The following ADCY5 variants were observed in gnomAD, a reference collection of about 807,000 sequenced individuals.
ADCY5 encodes adenylate cyclase type 5.
In ADCY5, 30 loss-of-function variants were observed where a neutral mutation model predicts 119.7. That is an observed-to-expected ratio of 0.25 (90% confidence interval 0.19 to 0.34). ADCY5 has a LOEUF of 0.34. Among genes scored for constraint, ADCY5 ranks in the 10% least tolerant of loss-of-function variants. The pLI, the probability that ADCY5 is intolerant of heterozygous loss-of-function variation, is 1.00. For missense variants in ADCY5, 1,324 were observed against 1,775.2 expected, an observed-to-expected ratio of 0.75 and a Z score of 4.57; for synonymous variants, 753 against 762.2, an observed-to-expected ratio of 0.99 and a Z score of 0.20.
intron 1 of ADCY5, among the ~76,000 whole-genome samples, chr3:123,441,665 C>T (rs776539909): frequency 2.6e-5 from 4 of 152,210 alleles, no homozygotes; most frequent in Non-Finnish European, 4.4e-5. Context: ...ATATGGTCTG[C>T]TTTTCTCCCA....
intron 1 of ADCY5, among the ~76,000 whole-genome samples, chr3:123,358,939 C>G (rs1482958670): frequency 6.6e-6 from 1 of 152,190 alleles, no homozygotes; most frequent in Non-Finnish European, 1.5e-5. Flanking sequence ...ATCGTTTCTG[C>G]CTCTCCTCTC....
chr3:123,307,676 C>T (rs1041846557), intron 12 of ADCY5, among the ~76,000 whole-genome samples: 1 of 152,128 alleles, frequency 6.6e-6, no homozygotes. Context: ...TCCTATTTGC[C>T]CTATGTTGTT....
At chr3:123,416,063 G>A (rs1473711169) in intron 1 of ADCY5, 14 of 1,107,472 alleles carry the variant, frequency 1.3e-5, no homozygotes, top group Middle Eastern at 2.2e-4. Flanking sequence ...CCCACCTAGG[G>A]TCAGGGGTTA....
At chr3:123,377,838 A>C (rs529934373) in intron 1 of ADCY5, among the ~76,000 whole-genome samples, 1 of 151,330 alleles carries the variant, frequency 6.6e-6, no homozygotes, top group African/African-American at 2.4e-5. Flanking sequence ...GCTGAGACAG[A>C]AGAATCACTT....
At position 123,303,162 on chromosome 3, in the gene ADCY5, C is replaced by T. The variant is rs139508244; in HGVS notation, c.2617G>A (p.Ala873Thr). The T allele has an allele frequency of 4.0e-5, 65 of 1,613,754 alleles. No individual in the cohort carries two copies. The highest frequency in any genetic ancestry group is 3.3e-4 in the Middle Eastern group (2 of 6,084). ...ACGTGACACGCGTTGACCTGGCTCGCGCTGATGTTGTGCTCCTGTGCCAAG... is the reference window on the plus strand; with the variant it reads ...ACGTGACACGCGTTGACCTGGCTCGTGCTGATGTTGTGCTCCTGTGCCAAG... ...GCLAQEHNIS[A>T]SQVNACHVAE... The change falls in exon 14 of 21, where the codon GCG (alanine) becomes ACG (threonine). Residue 873 changes from alanine (A) to threonine (T), a missense_variant. Physicochemically the swap from Ala to Thr is moderately conservative, Grantham distance 58. Coordinates refer to ENST00000462833, the MANE Select transcript of ADCY5 (RefSeq NM_183357.3).
chr3:123,303,949 G>A (rs1391214681), intron 13 of ADCY5, 118 bp downstream of exon 13: 14 of 724,976 alleles, frequency 1.9e-5, no homozygotes, highest in Non-Finnish European at 2.9e-5. Context: ...ACCCAGGTGC[G>A]AAACAAATAA....
In ADCY5 at chr3:123,284,427, G is replaced by T; in HGVS notation, c.*181C>A. ...GCTCGCAGGACGCTGGCACCCCGGG[G>T]CCTGGGACAGAGGCCGCTGCCCACC... On this transcript the variant is annotated 3_prime_UTR_variant, in exon 21 of 21. Transcript: ENST00000462833. 1 of 943,680 alleles carries T rather than the reference G, an allele frequency of 1.1e-6. No homozygotes were observed. The highest frequency in any genetic ancestry group is 1.5e-6 in the Non-Finnish European group (1 of 650,044). The allele number at this position is 943,680 out of a possible 1,614,324, so 58.5% of individuals were successfully genotyped here. A position where few individuals can be genotyped will look rare whatever the true frequency, so the allele number is the denominator to read the frequency against.
At chr3:123,393,640 A>G (rs1336221863) in intron 1 of ADCY5, among the ~76,000 whole-genome samples, 1 of 151,830 alleles carries the variant, frequency 6.6e-6, no homozygotes, top group Non-Finnish European at 1.5e-5. Flanking sequence ...TGCGAAAGAG[A>G]TAACATGTGC....
intron 1 of ADCY5, among the ~76,000 whole-genome samples, chr3:123,402,161 A>G (rs1944774706): frequency 6.6e-6 from 1 of 152,222 alleles, no homozygotes; most frequent in Non-Finnish European, 1.5e-5. Flanking sequence ...TAGGCTGAGA[A>G]CACAAGAGGC....
chr3:123,415,255 A>C (rs919203059), intron 1 of ADCY5, among the ~76,000 whole-genome samples: 1 of 152,226 alleles, frequency 6.6e-6, no homozygotes, highest in Non-Finnish European at 1.5e-5. Flanking sequence ...CCTTTGGCTC[A>C]GCTGGGGACC....
intron 1 of ADCY5, among the ~76,000 whole-genome samples, chr3:123,364,297 C>G (rs979607754): frequency 2.0e-5 from 3 of 151,762 alleles, no homozygotes; most frequent in Non-Finnish European, 4.4e-5. Flanking sequence ...TCTCTTCTGA[C>G]AGAAGAGATA....
chr3:123,336,515 G>A (rs964689631), intron 3 of ADCY5, among the ~76,000 whole-genome samples: 1 of 152,244 alleles, frequency 6.6e-6, no homozygotes. Context: ...GGCTTTGGGG[G>A]CTGGAGATGC....
At chr3:123,388,472 T>C (rs1032110123) in intron 1 of ADCY5, among the ~76,000 whole-genome samples, 1 of 151,952 alleles carries the variant, frequency 6.6e-6, no homozygotes, top group African/African-American at 2.4e-5. Flanking sequence ...GGGGTACACA[T>C]GATGGGTTTA....
chr3:123,445,513 A>T lies in ADCY5; in HGVS notation c.1134+1899T>A, dbSNP rs112382041. On this transcript the variant is annotated intron_variant, in intron 1 of 20. Coordinates refer to ENST00000462833, the MANE Select transcript of ADCY5 (RefSeq NM_183357.3). Reference sequence around the variant, plus strand: ...ATGCCCCTTCCTCTGCAGAAAAGCTACATCCACCCAAATCAGGAGCAGTCC... The same window carrying T: ...ATGCCCCTTCCTCTGCAGAAAAGCTTCATCCACCCAAATCAGGAGCAGTCC... Among the ~76,000 whole-genome samples, 638 of 152,284 alleles carry T rather than the reference A, an allele frequency of 4.2e-3. 4 individuals are homozygous for T. The highest frequency in any genetic ancestry group is 0.024 in the East Asian group (123 of 5,184).
chr3:123,355,407 C>T lies in ADCY5; in HGVS notation c.1135-2826G>A, dbSNP rs116434078. On this transcript the variant is annotated intron_variant, in intron 1 of 20. Coordinates refer to ENST00000462833, the MANE Select transcript of ADCY5 (RefSeq NM_183357.3). ...CAACCAACCTTGGATCAAAACCCTC[C>T]GATATGGCAACTGTACATATTTTCC... Among the ~76,000 whole-genome samples, 310 of 152,228 alleles carry T rather than the reference C, an allele frequency of 2.0e-3. 1 individual carries two copies. The highest frequency in any genetic ancestry group is 6.8e-3 in the Middle Eastern group (2 of 294).
intron 1 of ADCY5, among the ~76,000 whole-genome samples, chr3:123,438,782 TG>T (rs1359090278): frequency 5.9e-5 from 9 of 152,182 alleles, no homozygotes; most frequent in African/African-American, 2.2e-4. Context: ...TCTCTCACTT[TG>T]CTGCCCAGAC....
At chr3:123,339,226 C>T (rs55947827) in intron 3 of ADCY5, among the ~76,000 whole-genome samples, 26,198 of 152,170 alleles carry the variant, frequency 0.17, 2,439 homozygotes, top group East Asian at 0.39. Context: ...TCCCCTGCAG[C>T]GTGCCCCCTC....
At chr3:123,320,812 A>T in intron 8 of ADCY5, 41 bp from the exon 9 acceptor site, 1 of 1,481,384 alleles carries the variant, frequency 6.8e-7, no homozygotes, top group Non-Finnish European at 9.3e-7. Context: ...AGAGAATGAG[A>T]ACAGAGAGAA....
At chr3:123,383,833 C>T (rs866672324) in intron 1 of ADCY5, among the ~76,000 whole-genome samples, 4 of 150,402 alleles carry the variant, frequency 2.7e-5, no homozygotes, top group Admixed American at 6.6e-5. Context: ...TGCACGTGCA[C>T]ACACACACAC....
Sources: gnomAD v4.1 joint callset for allele counts (sites outside exome capture counted in the v4.1 genomes callset) on GRCh38, gnomAD v4.1.1 for gene constraint, MANE v1.5 for transcripts, NCBI Gene and HGNC (gene_info 2026-07-23, HGNC 2026-07-21) for gene names.